The following AGBL4 variants were observed in gnomAD, a reference collection of about 807,000 sequenced individuals.
AGBL4 encodes AGBL carboxypeptidase 4, also known as cytosolic carboxypeptidase 6.
AGBL4 carries 58 observed loss-of-function variants against 66.4 expected under a neutral mutation model. The observed-to-expected ratio is 0.87, with a 90% confidence interval of 0.71 to 1.09. The LOEUF (loss-of-function observed/expected upper bound fraction) is 1.09, where lower values mean the gene tolerates loss of function less well. Among genes scored for constraint, AGBL4 ranks in the 50% least tolerant of loss-of-function variants. The pLI is 0.00. For synonymous variants in AGBL4, 234 were observed against 222.9 expected (o/e 1.05, Z -0.44); for missense variants, 579 against 631.0 (o/e 0.92, Z 0.88).
chr1:49,002,342 C>T (rs1661454934), intron 5 of AGBL4, among the ~76,000 whole-genome samples: 1 of 152,140 alleles, frequency 6.6e-6, no homozygotes, highest in Non-Finnish European at 1.5e-5. Context: ...TTTCTGTAGC[C>T]TTGCTCACTG....
chr1:49,473,470 C>T (rs1049166060), intron 3 of AGBL4, among the ~76,000 whole-genome samples: 1 of 151,944 alleles, frequency 6.6e-6, no homozygotes, highest in African/African-American at 2.4e-5. Context: ...ATGTCCTTTG[C>T]CTATTTTTTA....
Position 48,890,273 on chromosome 1 carries a change from C to T in AGBL4, c.595-23043G>A, listed in dbSNP as rs575538393. Among the ~76,000 whole-genome samples the T allele has an allele frequency of 2.6e-5, 4 of 152,208 alleles. No individual in the cohort carries two copies. In the South Asian group the frequency reaches 8.3e-4, roughly 32 times the overall value. ...GGTAGAGATGCAGTGGTTTAGCCTC[C>T]AAGCTTCAACTTGTGTCATCTCTCA... On this transcript the variant is annotated intron_variant, in intron 5 of 13. Transcript: ENST00000371839.
At chr1:48,771,935 A>G (rs1453124558) in intron 6 of AGBL4, among the ~76,000 whole-genome samples, 8 of 152,224 alleles carry the variant, frequency 5.3e-5, no homozygotes, top group African/African-American at 1.9e-4. Flanking sequence ...CCAGATGAAC[A>G]AAGTTGAATG....
At chr1:49,582,253 T>A (rs762627258) in intron 3 of AGBL4, among the ~76,000 whole-genome samples, 1 of 152,146 alleles carries the variant, frequency 6.6e-6, no homozygotes, top group Non-Finnish European at 1.5e-5. Context: ...ATGACAGTTA[T>A]GGGGCAATCC....
chr1:49,460,639 T>G (rs1343509793), intron 3 of AGBL4, among the ~76,000 whole-genome samples: 1 of 151,730 alleles, frequency 6.6e-6, no homozygotes, highest in African/African-American at 2.4e-5. Context: ...ATCATGCTAT[T>G]TGTTGCCCAA....
chr1:49,521,323 A>C (rs1335857947), intron 3 of AGBL4, among the ~76,000 whole-genome samples: 3 of 152,142 alleles, frequency 2.0e-5, no homozygotes, highest in Non-Finnish European at 4.4e-5. Context: ...AGTAAAAAGA[A>C]CAAAGCTGGA....
rs568049400 is a variant in AGBL4 at position 49,620,279 on chromosome 1, C to T, written c.282+77034G>A. 1.6e-3 allele frequency among the ~76,000 whole-genome samples: 243 copies of T among 152,050 alleles called. 1 individual carries two copies. The highest frequency in any genetic ancestry group is 5.7e-3 in the African/African-American group (236 of 41,500). ...AGAACTTAAATTTACAAGAAAAAAA[C>T]AAACCACCCCATCAAAAATGGGCAA... On this transcript the variant is annotated intron_variant, in intron 3 of 13. Coordinates refer to ENST00000371839, the MANE Select transcript of AGBL4 (RefSeq NM_032785.4).
At chr1:48,532,397 C>A (rs893100713), downstream of AGBL4, among the ~76,000 whole-genome samples, 2 of 152,090 alleles carry the variant, frequency 1.3e-5, no homozygotes, top group South Asian at 2.1e-4. Flanking sequence ...GAATTAGAAC[C>A]CAAAGTTGCC....
chr1:49,006,572 C>T (rs1661843595), intron 5 of AGBL4, among the ~76,000 whole-genome samples: 1 of 152,162 alleles, frequency 6.6e-6, no homozygotes, highest in Non-Finnish European at 1.5e-5. Context: ...CCTCTGGGGG[C>T]AGGGCACAGA....
chr1:49,692,565 A>G (rs893995356), intron 3 of AGBL4, among the ~76,000 whole-genome samples: 4 of 152,086 alleles, frequency 2.6e-5, no homozygotes, highest in African/African-American at 9.7e-5. Flanking sequence ...AAAAATACAA[A>G]AAATTAGCTG....
At chr1:49,297,736 G>T (rs1040206228) in intron 3 of AGBL4, among the ~76,000 whole-genome samples, 1 of 152,046 alleles carries the variant, frequency 6.6e-6, no homozygotes, top group African/African-American at 2.4e-5. Flanking sequence ...TTTTTGAGTG[G>T]TCTAGAGTTT....
chr1:49,997,401 T>G (rs1375139682), intron 1 of AGBL4, among the ~76,000 whole-genome samples: 2 of 151,632 alleles, frequency 1.3e-5, no homozygotes, highest in Non-Finnish European at 2.9e-5. Flanking sequence ...TGAGCAGGAG[T>G]AGCTATTCTT....
intron 6 of AGBL4, among the ~76,000 whole-genome samples, chr1:48,860,176 C>T (rs533644576): frequency 9.2e-5 from 14 of 152,166 alleles, no homozygotes; most frequent in Admixed American, 3.9e-4. Flanking sequence ...CTTCTACTGA[C>T]GAGGTTATAG....
intron 1 of AGBL4, among the ~76,000 whole-genome samples, chr1:49,877,728 G>A (rs909199043): frequency 2.6e-5 from 4 of 151,508 alleles, no homozygotes; most frequent in Admixed American, 6.6e-5. Context: ...AGTTTCAGAA[G>A]GAATGGTACC....
chr1:49,359,414 TCACA>T (rs1434849000), intron 3 of AGBL4, among the ~76,000 whole-genome samples: 1 of 152,166 alleles, frequency 6.6e-6, no homozygotes, highest in Admixed American at 6.5e-5. Flanking sequence ...TAAAAGTTAC[TCACA>T]CAATCTCTGA....
chr1:49,214,431 G>A (rs1013341704), intron 4 of AGBL4, among the ~76,000 whole-genome samples: 2 of 152,070 alleles, frequency 1.3e-5, no homozygotes, highest in African/African-American at 4.8e-5. Context: ...GATTCTGGGA[G>A]ACCAGTTCTT....
At chr1:49,108,601 G>T (rs577061372) in intron 4 of AGBL4, among the ~76,000 whole-genome samples, 1 of 152,198 alleles carries the variant, frequency 6.6e-6, no homozygotes, top group Non-Finnish European at 1.5e-5. Context: ...AGTGAGCAAA[G>T]CATGCTGGGA....
chr1:49,951,745 C>T (rs1186160107), intron 1 of AGBL4, among the ~76,000 whole-genome samples: 1 of 151,806 alleles, frequency 6.6e-6, no homozygotes, highest in Non-Finnish European at 1.5e-5. Context: ...TGTATCAATT[C>T]GTTTTATTTA....
At chr1:49,914,844 C>T (rs1286968156) in intron 1 of AGBL4, among the ~76,000 whole-genome samples, 1 of 151,872 alleles carries the variant, frequency 6.6e-6, no homozygotes, top group East Asian at 1.9e-4. Context: ...AGGGTGATAC[C>T]ATGGTGGAAG....
Sources: allele counts gnomAD v4.1 joint callset (sites outside exome capture counted in the v4.1 genomes callset), GRCh38; gene constraint gnomAD v4.1.1; transcripts MANE v1.5; gene names NCBI Gene and HGNC (gene_info 2026-07-23, HGNC 2026-07-21).